The following UNC5D variants were observed in gnomAD, a reference collection of about 807,000 sequenced individuals.
UNC5D encodes the protein unc-5 netrin receptor D.
UNC5D carries 39 observed loss-of-function variants against 105.4 expected under a neutral mutation model. The observed-to-expected ratio is 0.37, with a 90% CI of 0.29 to 0.48. The LOEUF is 0.48. Ranked by LOEUF, UNC5D falls within the 20% of genes least tolerant of loss-of-function variation. The pLI, the probability that UNC5D is intolerant of heterozygous loss-of-function variation, is 0.98. For missense variants in UNC5D, 991 were observed against 1,202.4 expected (o/e 0.82, Z 2.60); for synonymous variants, 452 against 450.4 (o/e 1.00, Z -0.04).
chr8:35,578,269 C>G (rs4999182), intron 3 of UNC5D, among the ~76,000 whole-genome samples: 1 of 71,440 alleles, frequency 1.4e-5, no homozygotes, highest in Non-Finnish European at 2.6e-5. Context: ...AACTCTGTCT[C>G]AAAAAAAAAA....
intron 16 of UNC5D, among the ~76,000 whole-genome samples, chr8:35,779,221 C>G (rs563441070): frequency 1.2e-4 from 18 of 152,062 alleles, no homozygotes; most frequent in African/African-American, 3.4e-4. Context: ...GGTCATGTAG[C>G]GGGTAGGTGG....
intron 1 of UNC5D, among the ~76,000 whole-genome samples, chr8:35,417,350 C>T (rs912129988): frequency 2.0e-5 from 3 of 151,660 alleles, no homozygotes; most frequent in African/African-American, 4.8e-5. Flanking sequence ...GATGAGTTTA[C>T]CTCAAGAACT....
At chr8:35,672,884 C>T (rs760139350) in intron 4 of UNC5D, among the ~76,000 whole-genome samples, 15 of 152,118 alleles carry the variant, frequency 9.9e-5, no homozygotes, top group African/African-American at 2.6e-4. Context: ...ACAACTGAAG[C>T]GGGGAAAGTA....
At chr8:35,775,643 T>G (rs1294231253) in intron 16 of UNC5D, among the ~76,000 whole-genome samples, 1 of 152,190 alleles carries the variant, frequency 6.6e-6, no homozygotes, top group African/African-American at 2.4e-5. Flanking sequence ...ATTTTCTTAC[T>G]GTTTGGCTTG....
rs144928360 is a variant in UNC5D, at chr8:35,414,821, A to G, written c.104-134471A>G. Reference sequence around the variant, plus strand: ...CAACTCTTGGAGGGTCAGTTTTCCAAATCATAATAAACTTAATTTCTTTTT... The same window carrying G: ...CAACTCTTGGAGGGTCAGTTTTCCAGATCATAATAAACTTAATTTCTTTTT... On this transcript the variant is annotated intron_variant, in intron 1 of 16. Transcript: ENST00000404895. Among the ~76,000 whole-genome samples, 397 of 152,218 alleles carry G rather than the reference A, an allele frequency of 2.6e-3. 2 individuals carry two copies. Among genetic ancestry groups the G allele is most frequent in the African/African-American group, 8.9e-3 (371 of 41,560 alleles).
At chr8:35,261,888 C>A (rs1271200116) in intron 1 of UNC5D, among the ~76,000 whole-genome samples, 1 of 152,130 alleles carries the variant, frequency 6.6e-6, no homozygotes, top group Non-Finnish European at 1.5e-5. Flanking sequence ...CTGTTTGAAG[C>A]CAGATATATA....
At chr8:35,555,018 G>A (rs1192993205) in intron 2 of UNC5D, among the ~76,000 whole-genome samples, 1 of 152,136 alleles carries the variant, frequency 6.6e-6, no homozygotes, top group Non-Finnish European at 1.5e-5. Context: ...TTGCTCTGCT[G>A]GTAATGGGGA....
chr8:35,285,789 C>A (rs1806552289), intron 1 of UNC5D, among the ~76,000 whole-genome samples: 1 of 152,198 alleles, frequency 6.6e-6, no homozygotes, highest in South Asian at 2.1e-4. Flanking sequence ...CAGATTAATT[C>A]CCTTATGCAT....
chr8:35,311,444 C>A (rs1808877780), intron 1 of UNC5D, among the ~76,000 whole-genome samples: 1 of 151,992 alleles, frequency 6.6e-6, no homozygotes, highest in South Asian at 2.1e-4. Context: ...GCAAATTAAC[C>A]TCAGAAAACT....
intron 3 of UNC5D, among the ~76,000 whole-genome samples, chr8:35,584,626 G>C (rs1278554397): frequency 6.6e-6 from 1 of 151,750 alleles, no homozygotes; most frequent in Non-Finnish European, 1.5e-5. Flanking sequence ...TTGTTTGTTT[G>C]TTTTTGAGAG....
rs570815449 is a variant in UNC5D, at chr8:35,656,990, C to CTGTT, written c.571-26551_571-26548dup. 6.9e-3 allele frequency among the ~76,000 whole-genome samples: 1,010 copies of CTGTT among 146,440 alleles called. 20 individuals are homozygous for CTGTT. Among genetic ancestry groups the CTGTT allele is most frequent in the African/African-American group, 0.023 (928 of 39,576 alleles). ...TTGGCACTTTACCATAATAAATTGA[C>CTGTT]TGTTTGTTTTTATAGATGTGATCTT... On this transcript the variant is annotated intron_variant, in intron 4 of 16. Transcript: ENST00000404895.
chr8:35,554,734 C>T (rs1178718619), intron 2 of UNC5D, among the ~76,000 whole-genome samples: 4 of 152,158 alleles, frequency 2.6e-5, no homozygotes, highest in South Asian at 4.1e-4. Context: ...CTTAACAACA[C>T]GCCGTGGCTC....
At chr8:35,711,501 C>T (rs773191656) in intron 8 of UNC5D, among the ~76,000 whole-genome samples, 6 of 152,038 alleles carry the variant, frequency 3.9e-5, no homozygotes, top group African/African-American at 7.2e-5. Flanking sequence ...TCTTTATTAC[C>T]GTTAAGTATT....
intron 1 of UNC5D, among the ~76,000 whole-genome samples, chr8:35,442,904 T>TCACACACA (rs373759766): frequency 1.8e-4 from 26 of 141,356 alleles, no homozygotes; most frequent in African/African-American, 2.4e-4. Context: ...TCTCTCTCTC[T>TCACACACA]CACACACACA....
At chr8:35,685,382 G>T (rs943736308) in intron 6 of UNC5D, among the ~76,000 whole-genome samples, 6 of 152,078 alleles carry the variant, frequency 3.9e-5, no homozygotes, top group Admixed American at 1.3e-4. Flanking sequence ...ACGATAAATA[G>T]ATGAGATGGA....
rs1396934537 is a variant in UNC5D at position 35,297,881 on chromosome 8, C to T, written c.103+61994C>T. Among the ~76,000 whole-genome samples, 6 of 152,064 alleles carry T rather than the reference C, an allele frequency of 3.9e-5. 1 individual carries two copies. The highest frequency in any genetic ancestry group is 7.4e-5 in the Non-Finnish European group (5 of 68,020). On this transcript the variant is annotated intron_variant, in intron 1 of 16. Transcript: ENST00000404895. Reference sequence around the variant, plus strand: ...AACTCACTAATTTGACAGCATTCCACGACTTCCATTAAGCGGGGCCACAAA... The same window carrying T: ...AACTCACTAATTTGACAGCATTCCATGACTTCCATTAAGCGGGGCCACAAA...
intron 14 of UNC5D, among the ~76,000 whole-genome samples, 167 bp downstream of exon 14, chr8:35,759,636 CAT>C (rs1469466565): frequency 3.3e-5 from 5 of 152,152 alleles, no homozygotes; most frequent in Non-Finnish European, 7.3e-5. Flanking sequence ...CGGAATGAAA[CAT>C]ATTGTCATAA....
chr8:35,770,720 A>T (rs922937028), intron 15 of UNC5D, among the ~76,000 whole-genome samples: 2 of 152,204 alleles, frequency 1.3e-5, no homozygotes, highest in Non-Finnish European at 2.9e-5. Flanking sequence ...AACATTATTA[A>T]AGAATCTTTT....
intron 4 of UNC5D, among the ~76,000 whole-genome samples, chr8:35,623,419 T>C (rs968529105): frequency 5.9e-5 from 9 of 152,238 alleles, no homozygotes; most frequent in South Asian, 2.1e-4. Context: ...GACTTCATTA[T>C]TCCCTGTTGC....
Sources: gnomAD v4.1 joint callset for allele counts (sites outside exome capture counted in the v4.1 genomes callset) on GRCh38, gnomAD v4.1.1 for gene constraint, MANE v1.5 for transcripts, NCBI Gene and HGNC (gene_info 2026-07-23, HGNC 2026-07-21) for gene names.